MED21: variants seen among roughly 807,000 people sequenced by gnomAD.
MED21 encodes mediator complex subunit 21.
In MED21, 9 loss-of-function variants were observed where a neutral mutation model predicts 18.2. The ratio of observed to expected loss-of-function variants is 0.49; its 90% CI spans 0.30 to 0.86. The LOEUF (loss-of-function observed/expected upper bound fraction) is 0.86, where lower values mean the gene tolerates loss of function less well. Among genes scored for constraint, MED21 ranks in the 40% least tolerant of loss-of-function variants. The probability of loss-of-function intolerance (pLI) is 0.07; values close to 1 mark genes in which losing one functional copy is unlikely to be tolerated. For missense variants in MED21, 150 were observed against 170.9 expected (o/e 0.88, Z 0.68); for synonymous variants, 73 against 60.5 (o/e 1.21, Z -0.96).
intron 1 of MED21, chr12:27,022,880 G>A (rs1317014994): frequency 2.9e-6 from 4 of 1,403,200 alleles, no homozygotes; most frequent in Admixed American, 2.5e-5. Flanking sequence ...GGGTGAGGCC[G>A]CCAGGACTTG....
chr12:27,035,452 T>C (rs1374583330), downstream of MED21, among the ~76,000 whole-genome samples: 1 of 151,892 alleles, frequency 6.6e-6, no homozygotes, highest in African/African-American at 2.4e-5. Context: ...TTTTTTTTAA[T>C]TATACTTTAA....
At position 27,027,436 on chromosome 12, in the gene MED21, G is replaced by C; in HGVS notation, c.247G>C (p.Ala83Pro). The C allele has an allele frequency of 1.9e-6, 3 of 1,611,412 alleles. No individual in the cohort carries two copies. Among genetic ancestry groups the C allele is most frequent in the Non-Finnish European group, 2.5e-6 (3 of 1,177,982 alleles). ...TTCCTTACCCAGTGAAGAATCTACA[G>C]CTGCTTTACAGGTAAGCCTCTATTC... ...IDSLPSEEST[A>P]ALQAASLYKL... Residue 83 changes from alanine (A) to proline (P), a missense_variant, in exon 3 of 4, where the codon GCT becomes CCT. Ala to Pro is a conservative substitution (Grantham distance 27). Transcript: ENST00000282892.
chr12:27,030,845 A>C (rs548477170), downstream of MED21: 132 of 152,280 alleles, frequency 8.7e-4, no homozygotes, highest in African/African-American at 3.1e-3. Flanking sequence ...TTGTTTCTGG[A>C]TGCTAAATCT....
At chr12:27,023,300 C>CTTTTTTTTTTTTTTTTTTTTTTTT (rs71437317) in intron 1 of MED21, among the ~76,000 whole-genome samples, 1 of 110,438 alleles carries the variant, frequency 9.1e-6, no homozygotes, top group African/African-American at 3.6e-5. Context: ...TTTTTCTTTT[C>CTTTTTTTTTTTTTTTTTTTTTTTT]TTTTTTTTTT....
At chr12:27,035,504 T>G (rs1314543639), downstream of MED21, among the ~76,000 whole-genome samples, 1 of 151,102 alleles carries the variant, frequency 6.6e-6, no homozygotes, top group Non-Finnish European at 1.5e-5. Context: ...TAGTTACATA[T>G]GTATACATGT....
At chr12:27,036,655 A>G (rs1941651791) in intron 2 of MED21, among the ~76,000 whole-genome samples, 1 of 152,320 alleles carries the variant, frequency 6.6e-6, no homozygotes, top group Non-Finnish European at 1.5e-5. Flanking sequence ...CTTTCTACAT[A>G]TGGCTAGCCA....
chr12:27,026,063 C>G (rs1435653787), intron 1 of MED21, among the ~76,000 whole-genome samples: 1 of 152,126 alleles, frequency 6.6e-6, no homozygotes, highest in Admixed American at 6.5e-5. Context: ...TTGCTCTTTT[C>G]CATCACTATC....
Position 27,029,060 on chromosome 12 carries a change from CCT to C in MED21, c.*602_*603del, listed in dbSNP as rs1941582441. On this transcript the variant is annotated 3_prime_UTR_variant, in exon 4 of 4. Transcript: ENST00000282892. ...CTCCACGTTTATTTTACCAAGAGAT[CCT>C]CTGTCAAGAGAATTTCCTGGCTGTT... is the stretch of plus-strand genomic sequence containing the variant. The C allele has an allele frequency of 4.1e-6, 4 of 985,286 alleles. No individual in the cohort carries two copies. The highest frequency in any genetic ancestry group is 4.8e-6 in the Non-Finnish European group (4 of 829,906). 61.0% of individuals were successfully genotyped at this position (985,286 alleles called of 1,614,324 possible).
Position 27,022,610 on chromosome 12 carries a change from G to A in MED21, c.31G>A (p.Ala11Thr). 1 of 1,590,148 alleles carries A rather than the reference G, an allele frequency of 6.3e-7. No individual in the cohort carries two copies. Among genetic ancestry groups the A allele is most frequent in the Non-Finnish European group, 8.6e-7 (1 of 1,163,616 alleles). The change falls in exon 1 of 4, where the codon GCT (alanine) becomes ACT (threonine). Residue 11 changes from alanine to threonine, a missense_variant. By Grantham distance (58) the Ala-to-Thr change is moderately conservative. Transcript: ENST00000282892. The part of the protein sequence containing the change: MADRLTQLQD[A>T]VNSLADQFCN... ...GGATCGGCTCACGCAGCTTCAGGACGCTGTGAATTCGGTGAGGAATTTCAT... is the reference window on the plus strand; with the variant it reads ...GGATCGGCTCACGCAGCTTCAGGACACTGTGAATTCGGTGAGGAATTTCAT...
Position 27,026,457 on chromosome 12 carries a change from A to G in MED21, c.80A>G (p.Gln27Arg). 1 of 1,613,910 alleles carries G rather than the reference A, an allele frequency of 6.2e-7. No individual in the cohort carries two copies. Among genetic ancestry groups the G allele is most frequent in the South Asian group, 1.1e-5 (1 of 91,066 alleles). ...TTTTGTAATGCCATTGGAGTATTGC[A>G]GCAATGTGGTCCTCCTGCCTCTTTC... ...DQFCNAIGVL[Q>R]QCGPPASFNN... Residue 27 changes from glutamine to arginine, a missense_variant, in exon 2 of 4, where the codon CAG becomes CGG. By Grantham distance (43) the Gln-to-Arg change is conservative. Transcript: ENST00000282892.
chr12:27,023,828 G>A lies in MED21; in HGVS notation c.42+1207G>A, dbSNP rs147070663. Among the ~76,000 whole-genome samples, 227 of 152,084 alleles carry A rather than the reference G, an allele frequency of 1.5e-3. 1 individual carries two copies. The highest frequency in any genetic ancestry group is 5.3e-3 in the African/African-American group (221 of 41,434). ...TTTTTTTTTGTTTTAATAAGTAGAAGTACAATGTAAAATAACGATAAAACA... is the reference window on the plus strand; with the variant it reads ...TTTTTTTTTGTTTTAATAAGTAGAAATACAATGTAAAATAACGATAAAACA... On this transcript the variant is annotated intron_variant, in intron 1 of 3. Transcript: ENST00000282892.
intron 1 of MED21, chr12:27,022,962 TTTC>T: frequency 8.9e-7 from 1 of 1,117,410 alleles, no homozygotes; most frequent in Non-Finnish European, 1.1e-6. Context: ...ACGGGTTCTC[TTTC>T]TTTTGGGGGT....
chr12:27,025,888 G>C (rs1312438432), intron 1 of MED21, among the ~76,000 whole-genome samples: 1 of 152,130 alleles, frequency 6.6e-6, no homozygotes, highest in East Asian at 1.9e-4. Context: ...ATTGAGTCTT[G>C]AACAAATACA....
At chr12:27,037,824 T>C (rs895153835) in intron 2 of MED21, 6 of 152,252 alleles carry the variant, frequency 3.9e-5, no homozygotes, top group Non-Finnish European at 8.8e-5. Flanking sequence ...TGATCAAATA[T>C]GGTAATGTAA....
At chr12:27,023,914 A>G (rs1469348240) in intron 1 of MED21, among the ~76,000 whole-genome samples, 2 of 152,262 alleles carry the variant, frequency 1.3e-5, no homozygotes, top group Non-Finnish European at 2.9e-5. Context: ...TGGACTGCAC[A>G]TAATTGTATG....
chr12:27,037,888 T>G (rs994393134), intron 2 of MED21: 33 of 152,262 alleles, frequency 2.2e-4, no homozygotes, highest in African/African-American at 8.0e-4. Context: ...TATCTTGATT[T>G]GCGAGAAGCA....
At chr12:27,022,644 CCT>C (rs1167392454) in intron 1 of MED21, 23 bp downstream of exon 1, 5 of 1,607,898 alleles carry the variant, frequency 3.1e-6, no homozygotes, top group Non-Finnish European at 4.3e-6. Flanking sequence ...ATTCGATTAG[CCT>C]CTGTCTTTCT....
downstream of MED21, among the ~76,000 whole-genome samples, chr12:27,031,033 G>A (rs910395482): frequency 6.6e-6 from 1 of 151,944 alleles, no homozygotes; most frequent in African/African-American, 2.4e-5. Flanking sequence ...TCAGCCTCCC[G>A]AATAGCTGGG....
chr12:27,034,908 G>A (rs1240562264), downstream of MED21, among the ~76,000 whole-genome samples: 2 of 152,068 alleles, frequency 1.3e-5, no homozygotes, highest in African/African-American at 2.4e-5. Flanking sequence ...CTGTCACCAC[G>A]CCTGGCTAAT....
Sources: allele counts gnomAD v4.1 joint callset (sites outside exome capture counted in the v4.1 genomes callset), GRCh38; gene constraint gnomAD v4.1.1; transcripts MANE v1.5; gene names NCBI Gene and HGNC (gene_info 2026-07-23, HGNC 2026-07-21).